UCHL5: variants seen among roughly 807,000 people sequenced by gnomAD.
UCHL5 encodes the protein ubiquitin carboxyl-terminal hydrolase isozyme L5.
In UCHL5, 34 loss-of-function variants were observed where a neutral mutation model predicts 53.8. The observed-to-expected ratio is 0.63, with a 90% CI of 0.48 to 0.84. The LOEUF is 0.84. Among genes scored for constraint, UCHL5 ranks in the 40% least tolerant of loss-of-function variants. The pLI, the probability that UCHL5 is intolerant of heterozygous loss-of-function variation, is 0.00. For synonymous variants in UCHL5, 111 were observed against 126.3 expected (o/e 0.88, Z 0.81); for missense variants, 290 against 385.6 (o/e 0.75, Z 2.08).
chr1:193,039,507 CCAAAAACTGGAT>C (rs1267505436), intron 3 of UCHL5, among the ~76,000 whole-genome samples: 2 of 152,046 alleles, frequency 1.3e-5, no homozygotes, highest in Non-Finnish European at 2.9e-5. Flanking sequence ...GAAGAGTTCA[CCAAAAACTGGAT>C]ATTCCATCCT....
intron 3 of UCHL5, among the ~76,000 whole-genome samples, chr1:193,045,382 T>G (rs1667020261): frequency 6.6e-6 from 1 of 152,018 alleles, no homozygotes; most frequent in Admixed American, 6.6e-5. Context: ...ATCATGGGGG[T>G]GGATCCCTTA....
At chr1:193,027,895 G>A in intron 7 of UCHL5, 190 bp downstream of exon 7, 1 of 1,476,888 alleles carries the variant, frequency 6.8e-7, no homozygotes, top group South Asian at 1.2e-5. Flanking sequence ...GGTCGAGGCA[G>A]GCGGATGGCT....
At chr1:193,058,867 G>A (rs6692342) in intron 1 of UCHL5, among the ~76,000 whole-genome samples, 114,737 of 152,218 alleles carry the variant, frequency 0.75, 43,494 homozygotes, top group Middle Eastern at 0.78. Flanking sequence ...AGTGCAAAGG[G>A]CAATACGTGC....
At chr1:193,056,197 T>C (rs997899642) in intron 1 of UCHL5, among the ~76,000 whole-genome samples, 1 of 152,204 alleles carries the variant, frequency 6.6e-6, no homozygotes, top group African/African-American at 2.4e-5. Context: ...TTTTAATATC[T>C]GTAAAATTTT....
chr1:193,020,656 G>A (rs1412628101), intron 10 of UCHL5, among the ~76,000 whole-genome samples: 1 of 151,716 alleles, frequency 6.6e-6, no homozygotes, highest in African/African-American at 2.4e-5. Flanking sequence ...CAGTGGAATG[G>A]ATACTAAATT....
chr1:193,017,576 G>T (rs1655298971), intron 10 of UCHL5, among the ~76,000 whole-genome samples: 1 of 151,340 alleles, frequency 6.6e-6, no homozygotes, highest in Non-Finnish European at 1.5e-5. Flanking sequence ...ATATAATTTG[G>T]TTTTAGGCAT....
At chr1:193,019,037 C>CT (rs933309285) in intron 10 of UCHL5, among the ~76,000 whole-genome samples, 1 of 151,228 alleles carries the variant, frequency 6.6e-6, no homozygotes, top group Non-Finnish European at 1.5e-5. Context: ...AATATGGTAT[C>CT]TTTTTTTTCC....
chr1:193,029,713 T>C (rs1571602510), intron 3 of UCHL5, 56 bp from the exon 4 acceptor site: 1 of 1,436,064 alleles, frequency 7.0e-7, no homozygotes, highest in Non-Finnish European at 9.3e-7. Context: ...AAAATGGTTT[T>C]TAACTGGTGA....
intron 3 of UCHL5, among the ~76,000 whole-genome samples, chr1:193,038,433 C>T (rs1044676689): frequency 2.8e-5 from 4 of 144,614 alleles, no homozygotes; most frequent in African/African-American, 5.2e-5. Context: ...CCAGCCTGGG[C>T]GACAGAGTGA....
chr1:193,059,659 G>C, upstream of UCHL5: 1 of 1,378,252 alleles, frequency 7.3e-7, no homozygotes, highest in Non-Finnish European at 9.7e-7. This position sits in a 1 kb window ranked among gnomAD's most constrained non-coding sequence, Gnocchi z 4.9. Flanking sequence ...CAGTGGGGCT[G>C]TTGCTGTTGC....
intron 7 of UCHL5, among the ~76,000 whole-genome samples, chr1:193,026,375 G>C (rs762395076): frequency 6.6e-6 from 1 of 152,158 alleles, no homozygotes; most frequent in Non-Finnish European, 1.5e-5. Context: ...TACAGACTGG[G>C]AGAGAATATT....
chr1:193,055,633 A>G (rs1262750408), intron 1 of UCHL5, among the ~76,000 whole-genome samples: 1 of 152,238 alleles, frequency 6.6e-6, no homozygotes. Flanking sequence ...TGCCTTTTGC[A>G]TCTATTGACA....
chr1:193,046,780 T>C (rs1399582124), intron 3 of UCHL5, among the ~76,000 whole-genome samples: 1 of 150,330 alleles, frequency 6.7e-6, no homozygotes, highest in Non-Finnish European at 1.5e-5. Flanking sequence ...TCAATAAATG[T>C]TAACTAATAT....
At chr1:193,018,723 G>A in intron 10 of UCHL5, 1 of 1,405,208 alleles carries the variant, frequency 7.1e-7, no homozygotes, top group Non-Finnish European at 9.3e-7. Flanking sequence ...TCATCCTGTA[G>A]AATCTCAGCA....
Position 193,019,891 on chromosome 1 carries a change from T to G in UCHL5, c.942+1206A>C, listed in dbSNP as rs996309032. The G allele has an allele frequency of 3.1e-6, 3 of 965,254 alleles. No homozygotes were observed. The African/African-American group carries it at 5.3e-5, about 17-fold the overall frequency. The allele number at this position is 965,254 out of a possible 1,614,324, so 59.8% of individuals were successfully genotyped here. Reference sequence around the variant, plus strand: ...CTAGTAACATTTATCTAACTTAAAATCTGATGTATCACATATTTAGCACAT... The same window carrying G: ...CTAGTAACATTTATCTAACTTAAAAGCTGATGTATCACATATTTAGCACAT... On this transcript the variant is annotated intron_variant, in intron 10 of 10. Coordinates refer to ENST00000367454, the MANE Select transcript of UCHL5 (RefSeq NM_001199261.3).
chr1:193,027,391 T>C lies in UCHL5; in HGVS notation c.629+694A>G, dbSNP rs1030718340. Among the ~76,000 whole-genome samples the C allele has an allele frequency of 3.3e-5, 5 of 152,004 alleles. No individual in the cohort carries two copies. The East Asian group carries it at 7.7e-4, about 23-fold the overall frequency. ...AAAATAACTGTCAATTATCCAACAG[T>C]ACAAAATACCTAGCCGGGTGCAGTG... On this transcript the variant is annotated intron_variant, in intron 7 of 10. Coordinates refer to ENST00000367454, the MANE Select transcript of UCHL5 (RefSeq NM_001199261.3).
intron 3 of UCHL5, among the ~76,000 whole-genome samples, chr1:193,039,678 G>A (rs1348152431): frequency 1.3e-5 from 2 of 151,986 alleles, no homozygotes; most frequent in East Asian, 1.9e-4. Context: ...CAAAAGACCC[G>A]AGATGGCCAA....
rs116270234 is a variant in UCHL5, at chr1:193,059,095, G to A, written c.76+90C>T. The A allele has an allele frequency of 9.0e-4, 1,215 of 1,351,540 alleles. 8 individuals are homozygous for A. In the African/African-American group the frequency reaches 0.017, roughly 18 times the overall value. The allele number at this position is 1,351,540 out of a possible 1,614,324, so 83.7% of individuals were successfully genotyped here. A position where few individuals can be genotyped will look rare whatever the true frequency, so the allele number is the denominator to read the frequency against. On this transcript the variant is annotated intron_variant, in intron 1 of 10. Coordinates refer to ENST00000367454, the MANE Select transcript of UCHL5 (RefSeq NM_001199261.3). The surrounding 1 kb of genome is among the most constrained non-coding windows in gnomAD (Gnocchi z 4.9). Reference sequence around the variant, plus strand: ...TTCCTGAAGTCACCTCTCCAGACGCGGGGCGGCGGTGGCCGCAGGGAACCA... The same window carrying A: ...TTCCTGAAGTCACCTCTCCAGACGCAGGGCGGCGGTGGCCGCAGGGAACCA...
intron 3 of UCHL5, among the ~76,000 whole-genome samples, chr1:193,043,200 GTTT>G (rs945350275): frequency 1.2e-5 from 1 of 85,304 alleles, no homozygotes; most frequent in East Asian, 3.4e-4. Flanking sequence ...ATAAACTATT[GTTT>G]TTTTTATGCC....
Sources: gnomAD v4.1 joint callset for allele counts (sites outside exome capture counted in the v4.1 genomes callset) on GRCh38, gnomAD v4.1.1 for gene constraint, Gnocchi (gnomAD v3.1) non-coding constraint, MANE v1.5 for transcripts, NCBI Gene and HGNC (gene_info 2026-07-23, HGNC 2026-07-21) for gene names.